The following DIS3L2 variants were observed in gnomAD, a reference collection of about 807,000 sequenced individuals.
The protein encoded by DIS3L2 is DIS3-like exonuclease 2.
DIS3L2 carries 34 observed loss-of-function variants against 97.5 expected under a neutral mutation model. That is an observed-to-expected ratio of 0.35 (90% CI 0.27 to 0.46). DIS3L2 has a LOEUF of 0.46. Among genes scored for constraint, DIS3L2 ranks in the 20% least tolerant of loss-of-function variants. The pLI, the probability that DIS3L2 is intolerant of heterozygous loss-of-function variation, is 1.00. For synonymous variants in DIS3L2, 435 were observed against 445.2 expected, an observed-to-expected ratio of 0.98 and a Z score of 0.29; for missense variants, 1,038 against 1,146.0, an observed-to-expected ratio of 0.91 and a Z score of 1.36.
At chr2:232,107,340 T>C (rs1297609031) in intron 6 of DIS3L2, among the ~76,000 whole-genome samples, 1 of 152,040 alleles carries the variant, frequency 6.6e-6, no homozygotes, top group Non-Finnish European at 1.5e-5. Context: ...AAAAAATTAA[T>C]AAAATAGATA....
At chr2:232,272,505 A>G (rs1694033992) in intron 13 of DIS3L2, among the ~76,000 whole-genome samples, 1 of 152,200 alleles carries the variant, frequency 6.6e-6, no homozygotes, top group Admixed American at 6.5e-5. Context: ...CTGTGATGAA[A>G]GGGAAAAGGA....
At chr2:232,169,820 C>G (rs1690932547) in intron 9 of DIS3L2, among the ~76,000 whole-genome samples, 1 of 152,174 alleles carries the variant, frequency 6.6e-6, no homozygotes, top group Non-Finnish European at 1.5e-5. Flanking sequence ...ATCTTTAAAC[C>G]TCATAATCCA....
chr2:232,308,194 G>A (rs911989396), intron 14 of DIS3L2, among the ~76,000 whole-genome samples: 1 of 152,212 alleles, frequency 6.6e-6, no homozygotes, highest in African/African-American at 2.4e-5. Context: ...TCGTAGTTTT[G>A]GGGGTGCAGT....
At position 232,148,348 on chromosome 2, in the gene DIS3L2, A is replaced by G. The variant is rs528870208; in HGVS notation, c.950+11629A>G. Among the ~76,000 whole-genome samples, 435 of 152,190 alleles carry G rather than the reference A, an allele frequency of 2.9e-3. 1 individual carries two copies. The highest frequency in any genetic ancestry group is 4.8e-3 in the Non-Finnish European group (323 of 67,990). ...CTGTGTGAGCCACCGCACCCGGCCA[A>G]GATAGGATTCTTTCTAGGGCATCTA... On this transcript the variant is annotated intron_variant, in intron 8 of 20. Coordinates refer to ENST00000325385, the MANE Select transcript of DIS3L2 (RefSeq NM_152383.5).
In DIS3L2 at chr2:232,130,636, G is replaced by A. The variant is rs1006843527; in HGVS notation, c.619G>A (p.Ala207Thr). ...TAATGTAGGAAGAGAGGATGGTGATGCACCGGTTACAAAAGATGAGACCAC... is the reference window on the plus strand; with the variant it reads ...TAATGTAGGAAGAGAGGATGGTGATACACCGGTTACAAAAGATGAGACCAC... ...VSEKGREDGD[A>T]PVTKDETTCI... The change falls in exon 7 of 21, where the codon GCA (alanine) becomes ACA (threonine). Residue 207 changes from alanine (A) to threonine (T), a missense_variant. Around this residue, in one of 3 missense-constraint regions of DIS3L2, gnomAD observed 813 missense variants for 880.1 expected, o/e 0.92. Transcript: ENST00000325385. 3.7e-6 allele frequency: 6 copies of A among 1,612,154 alleles called. No individual in the cohort carries two copies. In the African/African-American group the frequency reaches 5.3e-5, roughly 14 times the overall value.
chr2:232,012,648 C>G (rs963696595), intron 1 of DIS3L2, among the ~76,000 whole-genome samples: 5 of 152,212 alleles, frequency 3.3e-5, no homozygotes, highest in African/African-American at 1.2e-4. Context: ...TAATGCCTGC[C>G]TCTGTTGATT....
At chr2:232,070,914 A>G (rs1319929971) in intron 5 of DIS3L2, among the ~76,000 whole-genome samples, 3 of 152,052 alleles carry the variant, frequency 2.0e-5, no homozygotes, top group Non-Finnish European at 2.9e-5. Flanking sequence ...TGTGGTGGCC[A>G]TGCAGGAGAG....
intron 14 of DIS3L2, among the ~76,000 whole-genome samples, chr2:232,306,683 A>G (rs1419087467): frequency 6.6e-6 from 1 of 152,200 alleles, no homozygotes; most frequent in Non-Finnish European, 1.5e-5. Context: ...TCTGCTATAT[A>G]CCTGTATAGT....
chr2:232,048,461 G>A (rs1352797098), intron 5 of DIS3L2, among the ~76,000 whole-genome samples: 5 of 152,128 alleles, frequency 3.3e-5, no homozygotes, highest in African/African-American at 9.7e-5. Context: ...GGCCGGGCGC[G>A]GTGGCTCACG....
intron 14 of DIS3L2, among the ~76,000 whole-genome samples, chr2:232,326,887 G>C (rs1055080282): frequency 6.6e-6 from 1 of 152,198 alleles, no homozygotes; most frequent in Admixed American, 6.5e-5. Flanking sequence ...TCACTGTCGA[G>C]GGCAGAGGTG....
At chr2:232,184,476 C>A (rs944559945) in intron 9 of DIS3L2, among the ~76,000 whole-genome samples, 1 of 152,094 alleles carries the variant, frequency 6.6e-6, no homozygotes, top group Non-Finnish European at 1.5e-5. Flanking sequence ...CACAGCAAAA[C>A]CCCATCTGTA....
intron 11 of DIS3L2, among the ~76,000 whole-genome samples, chr2:232,245,165 C>G (rs1024805296): frequency 2.0e-5 from 3 of 152,228 alleles, no homozygotes; most frequent in African/African-American, 7.2e-5. Context: ...AGTTTCCCAG[C>G]TCCTGGAGAG....
At chr2:232,283,831 G>A (rs1194331036) in intron 13 of DIS3L2, among the ~76,000 whole-genome samples, 3 of 152,160 alleles carry the variant, frequency 2.0e-5, no homozygotes, top group Non-Finnish European at 4.4e-5. Context: ...GTAAGGATGG[G>A]ACAGTCTGTA....
intron 6 of DIS3L2, among the ~76,000 whole-genome samples, chr2:232,118,986 GTCC>G (rs1697812263): frequency 6.6e-6 from 1 of 152,116 alleles, no homozygotes; most frequent in Non-Finnish European, 1.5e-5. Context: ...TCACTTGGTA[GTCC>G]TCCTGTTTTC....
intron 5 of DIS3L2, among the ~76,000 whole-genome samples, chr2:232,034,608 G>A (rs970958594): frequency 6.6e-6 from 1 of 152,186 alleles, no homozygotes; most frequent in African/African-American, 2.4e-5. Context: ...GGCATTTAGT[G>A]CTATAAATTT....
intron 9 of DIS3L2, among the ~76,000 whole-genome samples, chr2:232,168,557 T>G (rs1690892003): frequency 6.6e-6 from 1 of 152,156 alleles, no homozygotes; most frequent in Non-Finnish European, 1.5e-5. Context: ...TATCCATAAA[T>G]CCATGTATCT....
At chr2:232,040,166 A>G (rs1475519131) in intron 5 of DIS3L2, among the ~76,000 whole-genome samples, 1 of 152,218 alleles carries the variant, frequency 6.6e-6, no homozygotes, top group Non-Finnish European at 1.5e-5. Context: ...AAGGATGGGA[A>G]TAGAGAAAGA....
At position 232,293,722 on chromosome 2, in the gene DIS3L2, T is replaced by C. The variant is rs939589945; in HGVS notation, c.1660-6318T>C. On this transcript the variant is annotated intron_variant, in intron 13 of 20. Coordinates refer to ENST00000325385, the MANE Select transcript of DIS3L2 (RefSeq NM_152383.5). This position sits in a 1 kb window ranked among gnomAD's most constrained non-coding sequence, Gnocchi z 4.6. ...TCCATTGCTCTGTTACTGTCCATAT[T>C]TGTTCATGTGAACAACCAACCTTCA... 3.3e-5 allele frequency among the ~76,000 whole-genome samples: 5 copies of C among 152,194 alleles called. No homozygotes were observed. Among genetic ancestry groups the C allele is most frequent in the African/African-American group, 7.2e-5 (3 of 41,440 alleles).
intron 5 of DIS3L2, among the ~76,000 whole-genome samples, chr2:232,067,747 T>C (rs1326211946): frequency 6.6e-6 from 1 of 152,250 alleles, no homozygotes; most frequent in African/African-American, 2.4e-5. Context: ...TGTCTCCTTT[T>C]ACTTTTGTCA....
Sources: gnomAD v4.1 joint callset for allele counts (sites outside exome capture counted in the v4.1 genomes callset) on GRCh38, gnomAD v4.1.1 for gene constraint, gnomAD v4.1.1 regional missense constraint, Gnocchi (gnomAD v3.1) non-coding constraint, MANE v1.5 for transcripts, NCBI Gene and HGNC (gene_info 2026-07-23, HGNC 2026-07-21) for gene names.